Variants in ADORA2B observed in about 807,000 individuals in gnomAD.
ADORA2B encodes adenosine receptor A2b.
In ADORA2B, 18 loss-of-function variants were observed where a neutral mutation model predicts 20.8. The observed-to-expected ratio is 0.87, with a 90% confidence interval of 0.60 to 1.29. The LOEUF is 1.29. ADORA2B is among the 50% of genes most tolerant of loss of function. ADORA2B has a pLI of 0.00. For missense variants in ADORA2B, 441 were observed against 422.7 expected (o/e 1.04, Z -0.38); for synonymous variants, 179 against 178.3 (o/e 1.00, Z -0.03).
chr17:15,905,950 G>A, the ADORA2B span, among the ~76,000 whole-genome samples: 297 of 152,260 alleles, frequency 2.0e-3, 2 homozygotes, highest in African/African-American at 6.8e-3. Flanking sequence ...CACTGTGCCC[G>A]GCCACAATTG....
At chr17:15,898,654 A>G in the ADORA2B span, among the ~76,000 whole-genome samples, 1 of 152,062 alleles carries the variant, frequency 6.6e-6, no homozygotes, top group East Asian at 1.9e-4. Context: ...GGCGTGAGCC[A>G]CTGCGCCCGG....
chr17:15,932,055 T>C, the ADORA2B span, among the ~76,000 whole-genome samples: 18 of 152,286 alleles, frequency 1.2e-4, no homozygotes, highest in African/African-American at 3.4e-4. Context: ...TTATTAGATA[T>C]ATGATTTGCA....
the ADORA2B span, among the ~76,000 whole-genome samples, chr17:15,855,081 C>T: frequency 1.3e-5 from 2 of 151,870 alleles, no homozygotes; most frequent in African/African-American, 4.8e-5. Context: ...AGGTCTGCAC[C>T]ACCAGACCCG....
the ADORA2B span, among the ~76,000 whole-genome samples, chr17:15,909,282 C>A: frequency 1.1e-4 from 17 of 152,252 alleles, no homozygotes; most frequent in African/African-American, 2.9e-4. Context: ...CACAAAAAAA[C>A]ACACACAGAA....
At chr17:15,874,042 G>GTGTGTGTGTA in the ADORA2B span, among the ~76,000 whole-genome samples, 1 of 134,824 alleles carries the variant, frequency 7.4e-6, no homozygotes, top group African/African-American at 3.2e-5. Flanking sequence ...ATATATATGT[G>GTGTGTGTGTA]TATATATATA....
intron 1 of ADORA2B, among the ~76,000 whole-genome samples, chr17:15,967,313 ACCCCCGCCTC>A (rs1970133398): frequency 6.8e-6 from 1 of 147,402 alleles, no homozygotes; most frequent in Non-Finnish European, 1.5e-5. Flanking sequence ...GTTCACTGCA[ACCCCCGCCTC>A]CTGGGTTCAA....
At chr17:15,867,931 G>C in the ADORA2B span, among the ~76,000 whole-genome samples, 78 of 151,854 alleles carry the variant, frequency 5.1e-4, no homozygotes, top group African/African-American at 1.7e-3. Context: ...GAATAGAAAG[G>C]GGGGAAAGGT....
chr17:15,930,461 A>C, the ADORA2B span, among the ~76,000 whole-genome samples: 1 of 151,824 alleles, frequency 6.6e-6, no homozygotes, highest in Middle Eastern at 3.2e-3. Context: ...TCACCTGGCT[A>C]ATTTTTGTAT....
At chr17:15,957,787 C>T (rs530664560) in intron 1 of ADORA2B, among the ~76,000 whole-genome samples, 1 of 152,238 alleles carries the variant, frequency 6.6e-6, no homozygotes, top group Non-Finnish European at 1.5e-5. Context: ...TCAAACTCCT[C>T]CCACCCGTCT....
At chr17:15,955,999 C>T (rs1365957778) in intron 1 of ADORA2B, among the ~76,000 whole-genome samples, 1 of 152,152 alleles carries the variant, frequency 6.6e-6, no homozygotes, top group Non-Finnish European at 1.5e-5. Flanking sequence ...GGATTACAGG[C>T]GTGAGCCACG....
At chr17:15,855,643 C>T in the ADORA2B span, among the ~76,000 whole-genome samples, 6 of 151,098 alleles carry the variant, frequency 4.0e-5, no homozygotes, top group Non-Finnish European at 5.9e-5. Context: ...TTTTTAAGTA[C>T]GGTTAACTAT....
chr17:15,926,373 A>G, the ADORA2B span, among the ~76,000 whole-genome samples: 1 of 152,020 alleles, frequency 6.6e-6, no homozygotes, highest in South Asian at 2.1e-4. Context: ...AGGAAAGAAG[A>G]GCCAGAGAGA....
At position 15,975,367 on chromosome 17, in the gene ADORA2B, G is replaced by GAAGATACAAATCCACAAGAAACA. The variant is rs1970243997; in HGVS notation, c.*30_*52dup. 1 of 1,591,362 alleles carries GAAGATACAAATCCACAAGAAACA rather than the reference G, an allele frequency of 6.3e-7. No homozygotes were observed. The highest frequency in any genetic ancestry group is 1.4e-5 in the African/African-American group (1 of 74,018). ...ATCTAGGCTCTCGCCTCTTCCAGGA[G>GAAGATACAAATCCACAAGAAACA]AAGATACAAATCCACAAGAAACAAA... On this transcript the variant is annotated 3_prime_UTR_variant, in exon 2 of 2. Transcript: ENST00000304222.
At chr17:15,917,229 G>A in the ADORA2B span, among the ~76,000 whole-genome samples, 1,498 of 152,360 alleles carry the variant, frequency 9.8e-3, 33 homozygotes, top group African/African-American at 0.034. Context: ...GCTTGAACCC[G>A]AGAGATAGAG....
At chr17:15,963,423 T>G (rs578003228) in intron 1 of ADORA2B, among the ~76,000 whole-genome samples, 1 of 152,286 alleles carries the variant, frequency 6.6e-6, no homozygotes, top group Admixed American at 6.5e-5. Context: ...CGCTTGTGTT[T>G]ATGGCGGCTG....
chr17:15,945,689 C>G lies in ADORA2B; in HGVS notation c.335+106C>G, dbSNP rs1969794725. Reference sequence around the variant, plus strand: ...CCTCGGGGGCCCCAGACGGGCCAGGCTGGGGGCGCGCGGGGCGCTTGGAGG... The same window carrying G: ...CCTCGGGGGCCCCAGACGGGCCAGGGTGGGGGCGCGCGGGGCGCTTGGAGG... On this transcript the variant is annotated intron_variant, in intron 1 of 1. Transcript: ENST00000304222. 3 of 1,128,732 alleles carry G rather than the reference C, an allele frequency of 2.7e-6. No homozygotes were observed. In the East Asian group the frequency reaches 7.9e-5, roughly 30 times the overall value. 69.9% of individuals were successfully genotyped at this position (1,128,732 alleles called of 1,614,324 possible). A position where few individuals can be genotyped will look rare whatever the true frequency, so the allele number is the denominator to read the frequency against.
the ADORA2B span, among the ~76,000 whole-genome samples, chr17:15,889,802 G>A: frequency 2.3e-5 from 3 of 129,430 alleles, 1 homozygote; most frequent in African/African-American, 9.9e-5. Flanking sequence ...GGAGGCTGAG[G>A]CAAGAGAATC....
the ADORA2B span, among the ~76,000 whole-genome samples, chr17:15,907,065 T>C: frequency 1.3e-5 from 2 of 152,194 alleles, no homozygotes; most frequent in Non-Finnish European, 2.9e-5. Context: ...CCAAATAGCA[T>C]GCCCAGTTCT....
At chr17:15,932,979 G>A in the ADORA2B span, among the ~76,000 whole-genome samples, 6 of 141,360 alleles carry the variant, frequency 4.2e-5, no homozygotes, top group African/African-American at 1.6e-4. Context: ...TTTTTGAGAC[G>A]GAGTCTTGCA....
Sources: allele counts gnomAD v4.1 joint callset (sites outside exome capture counted in the v4.1 genomes callset), GRCh38; gene constraint gnomAD v4.1.1; transcripts MANE v1.5; gene names NCBI Gene and HGNC (gene_info 2026-07-23, HGNC 2026-07-21).